Variants in CSNK1D observed in about 807,000 individuals in gnomAD.
CSNK1D encodes casein kinase I isoform delta.
CSNK1D carries 16 observed loss-of-function variants against 46.6 expected under a neutral mutation model. That is an observed-to-expected ratio of 0.34 (90% CI 0.23 to 0.52). The LOEUF is 0.52. Among genes scored for constraint, CSNK1D ranks in the 20% least tolerant of loss-of-function variants. The pLI is 0.95. For synonymous variants in CSNK1D, 276 were observed against 228.2 expected (o/e 1.21, Z -1.89); for missense variants, 398 against 578.4 (o/e 0.69, Z 3.20).
rs1294494573 is a variant in CSNK1D at position 82,255,020 on chromosome 17, T to C, written c.336+409A>G. The C allele has an allele frequency of 2.9e-6, 1 of 346,080 alleles. No homozygotes were observed. The highest frequency in any genetic ancestry group is 4.4e-5 in the Admixed American group (1 of 22,918). The allele number at this position is 346,080 out of a possible 1,614,324, so 21.4% of individuals were successfully genotyped here. A position where few individuals can be genotyped will look rare whatever the true frequency, so the allele number is the denominator to read the frequency against. Reference sequence around the variant, plus strand: ...AGCCGCCGGAGCCTCGAGAAGCCAGTGAGCTGAGCCGTCGGAGCCTCGAGA... The same window carrying C: ...AGCCGCCGGAGCCTCGAGAAGCCAGCGAGCTGAGCCGTCGGAGCCTCGAGA... On this transcript the variant is annotated intron_variant, in intron 3 of 8. Transcript: ENST00000314028. The surrounding 1 kb of genome is among the most constrained non-coding windows in gnomAD (Gnocchi z 5.9).
At position 82,244,187 on chromosome 17, in the gene CSNK1D, G is replaced by A. The variant is rs1032785288; in HGVS notation, c.*594C>T. On this transcript the variant is annotated 3_prime_UTR_variant, in exon 9 of 9. Coordinates refer to ENST00000314028, the MANE Select transcript of CSNK1D (RefSeq NM_001893.6). ...TGATGAGAAATCTCCTCTCCAAAGC[G>A]GACAATAAAACACTGCAAAACAAAC... is the stretch of plus-strand genomic sequence containing the variant. The A allele has an allele frequency of 2.0e-5, 20 of 1,010,932 alleles. No homozygotes were observed. The highest frequency in any genetic ancestry group is 1.6e-4 in the Admixed American group (3 of 19,268). 62.6% of individuals were successfully genotyped at this position (1,010,932 alleles called of 1,614,324 possible).
At chr17:82,271,488 G>A (rs2051622596) in intron 1 of CSNK1D, among the ~76,000 whole-genome samples, 1 of 152,172 alleles carries the variant, frequency 6.6e-6, no homozygotes, top group Non-Finnish European at 1.5e-5. Context: ...TAAGCCAAAC[G>A]ACTTCCATTG....
rs984515299 is a variant in CSNK1D at position 82,243,423 on chromosome 17, C to T, written c.*1358G>A. 8.1e-6 allele frequency: 8 copies of T among 985,380 alleles called. No homozygotes were observed. Among genetic ancestry groups the T allele is most frequent in the African/African-American group, 7.0e-5 (4 of 57,244 alleles). The allele number at this position is 985,380 out of a possible 1,614,324, so 61.0% of individuals were successfully genotyped here. A position where few individuals can be genotyped will look rare whatever the true frequency, so the allele number is the denominator to read the frequency against. On this transcript the variant is annotated 3_prime_UTR_variant, in exon 9 of 9. Transcript: ENST00000314028. Reference sequence around the variant, plus strand: ...CGCCCAAGTGCTGCGGAGTGAGAGGCGAGAAGGCATCCTGGGAACCTCAGG... The same window carrying T: ...CGCCCAAGTGCTGCGGAGTGAGAGGTGAGAAGGCATCCTGGGAACCTCAGG...
At chr17:82,266,386 A>G (rs2051468825) in intron 1 of CSNK1D, among the ~76,000 whole-genome samples, 1 of 152,250 alleles carries the variant, frequency 6.6e-6, no homozygotes, top group South Asian at 2.1e-4. Flanking sequence ...ACACAAAGCC[A>G]GAAGAATCGC....
intron 2 of CSNK1D, among the ~76,000 whole-genome samples, chr17:82,256,927 C>A (rs991959150): frequency 3.3e-5 from 5 of 152,100 alleles, no homozygotes; most frequent in African/African-American, 9.7e-5. Flanking sequence ...AGTTTTGGTA[C>A]CACTAGGGAA....
chr17:82,262,092 G>A (rs1456127377), intron 2 of CSNK1D, among the ~76,000 whole-genome samples: 2 of 152,230 alleles, frequency 1.3e-5, no homozygotes, highest in African/African-American at 2.4e-5. Flanking sequence ...TAAAAACTAG[G>A]TGTCTATCCA....
chr17:82,240,862 T>G (rs1181238712), downstream of CSNK1D, among the ~76,000 whole-genome samples: 1 of 151,966 alleles, frequency 6.6e-6, no homozygotes, highest in African/African-American at 2.4e-5. Flanking sequence ...TACTACCTCC[T>G]CCCTCAGCTG....
At chr17:82,263,425 C>T (rs547093428) in intron 2 of CSNK1D, among the ~76,000 whole-genome samples, 6 of 152,348 alleles carry the variant, frequency 3.9e-5, no homozygotes, top group South Asian at 2.1e-4. Flanking sequence ...CTTAAGCCAG[C>T]GGCCACAGGG....
intron 8 of CSNK1D, chr17:82,247,583 C>T (rs1319376686): frequency 6.1e-6 from 6 of 985,334 alleles, no homozygotes; most frequent in African/African-American, 3.5e-5. Context: ...CAGAGCCAGC[C>T]GCACATCAAG....
chr17:82,268,635 TC>T lies in CSNK1D; in HGVS notation c.77-2840del, dbSNP rs539419880. ...GCAGATCACCAGGTTGTCTGGGTTG[TC>T]TGTTTATACAAAAGACATTCTGTCA... On this transcript the variant is annotated intron_variant, in intron 1 of 8. Transcript: ENST00000314028. Among the ~76,000 whole-genome samples, 45 of 152,274 alleles carry T rather than the reference TC, an allele frequency of 3.0e-4. 1 individual carries two copies. In the South Asian group the frequency reaches 8.9e-3, roughly 30 times the overall value.
downstream of CSNK1D, among the ~76,000 whole-genome samples, chr17:82,241,253 G>A (rs1028840114): frequency 3.3e-5 from 5 of 151,976 alleles, no homozygotes; most frequent in African/African-American, 7.2e-5. Flanking sequence ...GGCCTGTGCC[G>A]GGGGAGGTGG....
intron 2 of CSNK1D, among the ~76,000 whole-genome samples, chr17:82,258,250 A>AT (rs1568572276): frequency 6.6e-6 from 1 of 150,794 alleles, no homozygotes; most frequent in African/African-American, 2.4e-5. Flanking sequence ...ATATACATAT[A>AT]TATGTGTATT....
chr17:82,239,495 G>C (rs1021494540), downstream of CSNK1D: 2 of 170,240 alleles, frequency 1.2e-5, no homozygotes, highest in Non-Finnish European at 2.5e-5. Flanking sequence ...GGTTTCCTAG[G>C]AGTATGTGGT....
intron 2 of CSNK1D, among the ~76,000 whole-genome samples, chr17:82,260,532 T>C (rs1018505864): frequency 5.3e-5 from 8 of 151,550 alleles, no homozygotes; most frequent in Admixed American, 1.3e-4. Flanking sequence ...ATGTGACTGA[T>C]GGTGTACTGA....
chr17:82,254,916 G>GAC (rs2051131864), intron 3 of CSNK1D, among the ~76,000 whole-genome samples: 1 of 118,334 alleles, frequency 8.5e-6, no homozygotes, highest in Non-Finnish European at 1.9e-5. Context: ...GGGGCCTCCA[G>GAC]AAGCCAGTGA....
At position 82,248,858 on chromosome 17, in the gene CSNK1D, G is replaced by T; in HGVS notation, c.1197+17C>A. The T allele has an allele frequency of 6.2e-7, 1 of 1,605,756 alleles. No homozygotes were observed. Among genetic ancestry groups the T allele is most frequent in the Non-Finnish European group, 8.5e-7 (1 of 1,175,872 alleles). ...GTAGCCCGAGGCCCAGCGCCCGCCC[G>T]GGAGCTCTGCACCTACCTGTGAGGT... On this transcript the variant is annotated intron_variant, in intron 8 of 8. Coordinates refer to ENST00000314028, the MANE Select transcript of CSNK1D (RefSeq NM_001893.6). This position sits in a 1 kb window ranked among gnomAD's most constrained non-coding sequence, Gnocchi z 4.1.
Position 82,249,053 on chromosome 17 carries a change from C to A in CSNK1D, c.1058-39G>T. 6.5e-7 allele frequency: 1 copy of A among 1,544,738 alleles called. No individual in the cohort carries two copies. Among genetic ancestry groups the A allele is most frequent in the Non-Finnish European group, 8.7e-7 (1 of 1,143,478 alleles). On this transcript the variant is annotated intron_variant, in intron 7 of 8. Coordinates refer to ENST00000314028, the MANE Select transcript of CSNK1D (RefSeq NM_001893.6). The surrounding 1 kb of genome is among the most constrained non-coding windows in gnomAD (Gnocchi z 6.7). Reference sequence around the variant, plus strand: ...GAGAAACGGAGTGGGCCGCCCCCGTCTGCTGCCTCTCACTCGGGGCTTTCT... The same window carrying A: ...GAGAAACGGAGTGGGCCGCCCCCGTATGCTGCCTCTCACTCGGGGCTTTCT...
At chr17:82,242,207 TGC>T (rs2050749882), downstream of CSNK1D, among the ~76,000 whole-genome samples, 1 of 114,450 alleles carries the variant, frequency 8.7e-6, no homozygotes, top group African/African-American at 3.8e-5. Flanking sequence ...CACTGCTGTG[TGC>T]TCTGGGGGGG....
chr17:82,257,094 G>A (rs764550295), intron 2 of CSNK1D, among the ~76,000 whole-genome samples: 1 of 152,172 alleles, frequency 6.6e-6, no homozygotes, highest in Non-Finnish European at 1.5e-5. Context: ...TGAGTAGGTA[G>A]GACTACAGGT....
Sources: gnomAD v4.1 joint callset for allele counts (sites outside exome capture counted in the v4.1 genomes callset) on GRCh38, gnomAD v4.1.1 for gene constraint, Gnocchi (gnomAD v3.1) non-coding constraint, MANE v1.5 for transcripts, NCBI Gene and HGNC (gene_info 2026-07-23, HGNC 2026-07-21) for gene names.